MPPED2: variants seen among roughly 807,000 people sequenced by gnomAD.
MPPED2 encodes metallophosphoesterase MPPED2.
MPPED2 carries 5 observed loss-of-function variants against 33.0 expected under a neutral mutation model. The observed-to-expected ratio is 0.15, with a 90% confidence interval of 0.08 to 0.32. MPPED2 has a LOEUF of 0.32. MPPED2 is among the 10% of genes least tolerant of loss of function. The pLI is 1.00. For missense variants in MPPED2, 275 were observed against 372.1 expected, an observed-to-expected ratio of 0.74 and a Z score of 2.15; for synonymous variants, 136 against 141.9, an observed-to-expected ratio of 0.96 and a Z score of 0.29.
intron 6 of MPPED2, among the ~76,000 whole-genome samples, chr11:30,391,639 C>T (rs932173554): frequency 6.6e-6 from 1 of 152,160 alleles, no homozygotes; most frequent in Non-Finnish European, 1.5e-5. Context: ...TCAATAAGAT[C>T]ATGTCATTTT....
At chr11:30,529,519 ATATT>A (rs772974374) in intron 3 of MPPED2, among the ~76,000 whole-genome samples, 4 of 143,220 alleles carry the variant, frequency 2.8e-5, no homozygotes, top group Non-Finnish European at 6.3e-5. Context: ...TTGGCAAAAG[ATATT>A]TGTGTGTGTG....
chr11:30,582,384 G>A (rs550181158), intron 1 of MPPED2, among the ~76,000 whole-genome samples: 1 of 152,308 alleles, frequency 6.6e-6, no homozygotes, highest in Non-Finnish European at 1.5e-5. Context: ...ATAAATTAGA[G>A]AGTGGTGTAA....
intron 3 of MPPED2, among the ~76,000 whole-genome samples, chr11:30,505,831 C>T (rs931286375): frequency 9.9e-5 from 15 of 151,292 alleles, no homozygotes; most frequent in Middle Eastern, 3.4e-3. Flanking sequence ...AGACAGATTT[C>T]GGATCAAGTT....
intron 2 of MPPED2, among the ~76,000 whole-genome samples, chr11:30,562,443 G>A (rs548929424): frequency 6.6e-5 from 10 of 152,222 alleles, no homozygotes; most frequent in South Asian, 2.1e-4. Context: ...TGCCTCCTAC[G>A]GGAAGCCTAC....
chr11:30,531,100 A>G (rs1318459405), intron 3 of MPPED2, among the ~76,000 whole-genome samples: 3 of 152,328 alleles, frequency 2.0e-5, no homozygotes, highest in East Asian at 3.9e-4. Flanking sequence ...TCAACTCACC[A>G]AAGCCTATTC....
chr11:30,486,885 G>C (rs1951767408), intron 4 of MPPED2, among the ~76,000 whole-genome samples: 1 of 152,164 alleles, frequency 6.6e-6, no homozygotes, highest in Admixed American at 6.5e-5. Context: ...GTATGTCCAT[G>C]ACTGTGCCTG....
chr11:30,534,360 G>C (rs1954695325), intron 3 of MPPED2, among the ~76,000 whole-genome samples: 1 of 152,216 alleles, frequency 6.6e-6, no homozygotes, highest in East Asian at 1.9e-4. Context: ...CTAAAATAAA[G>C]AGATTATTGT....
intron 6 of MPPED2, among the ~76,000 whole-genome samples, chr11:30,390,594 A>T (rs899294843): frequency 1.3e-5 from 2 of 152,232 alleles, no homozygotes; most frequent in Admixed American, 1.3e-4. Flanking sequence ...GTGCACCCTT[A>T]TGCTGCTCTG....
At chr11:30,424,945 G>A (rs1948765778) in intron 4 of MPPED2, among the ~76,000 whole-genome samples, 2 of 152,188 alleles carry the variant, frequency 1.3e-5, no homozygotes, top group South Asian at 2.1e-4. Flanking sequence ...TGGGAAGCCT[G>A]GCTAGCCCAA....
intron 4 of MPPED2, among the ~76,000 whole-genome samples, chr11:30,489,328 A>G (rs889685107): frequency 1.3e-5 from 2 of 152,284 alleles, no homozygotes; most frequent in Non-Finnish European, 2.9e-5. Flanking sequence ...TGCACTGATC[A>G]GAACAAGGGA....
At chr11:30,520,414 T>C (rs1460903142) in intron 3 of MPPED2, among the ~76,000 whole-genome samples, 4 of 152,124 alleles carry the variant, frequency 2.6e-5, no homozygotes, top group African/African-American at 9.7e-5. Context: ...AATTAAGTCA[T>C]TTTTTCCCTA....
intron 3 of MPPED2, among the ~76,000 whole-genome samples, chr11:30,517,496 G>A (rs1953598360): frequency 6.6e-6 from 1 of 152,090 alleles, no homozygotes. Flanking sequence ...CAAATGAATG[G>A]ACAGAACACT....
intron 4 of MPPED2, among the ~76,000 whole-genome samples, chr11:30,446,628 T>C (rs1028181306): frequency 2.0e-5 from 3 of 152,192 alleles, no homozygotes; most frequent in Non-Finnish European, 2.9e-5. Context: ...CTACAGAGCC[T>C]GCTCAGTAAA....
rs145387958 is a variant in MPPED2, at chr11:30,424,406, C to T, written c.537-6773G>A. Among the ~76,000 whole-genome samples, 135 of 152,244 alleles carry T rather than the reference C, an allele frequency of 8.9e-4. 1 individual carries two copies. The East Asian group carries it at 0.02, about 23-fold the overall frequency. On this transcript the variant is annotated intron_variant, in intron 4 of 6. Transcript: ENST00000358117. ...CTTCTTCACGCCTGGCACTCCCAGC[C>T]GCCATCGGCCCCTCTCCGACTGCAC...
At chr11:30,480,382 T>C (rs190282067) in intron 4 of MPPED2, among the ~76,000 whole-genome samples, 196 of 152,210 alleles carry the variant, frequency 1.3e-3, no homozygotes, top group Middle Eastern at 3.4e-3. Context: ...GCAGTGTGCT[T>C]ACCTTCCAAT....
chr11:30,562,731 C>T (rs1956287160), intron 2 of MPPED2, among the ~76,000 whole-genome samples: 1 of 152,134 alleles, frequency 6.6e-6, no homozygotes, highest in African/African-American at 2.4e-5. Context: ...GCACATCACT[C>T]AACCTCTCTG....
intron 6 of MPPED2, among the ~76,000 whole-genome samples, chr11:30,398,690 C>A (rs1285048869): frequency 6.6e-6 from 1 of 152,062 alleles, no homozygotes; most frequent in Non-Finnish European, 1.5e-5. Flanking sequence ...TAGTTCCTTG[C>A]AATCAAACAT....
chr11:30,558,523 C>T (rs1247072892), intron 2 of MPPED2, among the ~76,000 whole-genome samples: 1 of 151,858 alleles, frequency 6.6e-6, no homozygotes, highest in African/African-American at 2.4e-5. Context: ...TCAAGCAATC[C>T]TCCCACCTCA....
intron 6 of MPPED2, among the ~76,000 whole-genome samples, chr11:30,397,775 G>A (rs1947856722): frequency 6.6e-6 from 1 of 152,122 alleles, no homozygotes; most frequent in Non-Finnish European, 1.5e-5. Flanking sequence ...ACTAGCTAGT[G>A]GGGAGTAGAG....
Sources: gnomAD v4.1 joint callset for allele counts (sites outside exome capture counted in the v4.1 genomes callset) on GRCh38, gnomAD v4.1.1 for gene constraint, MANE v1.5 for transcripts, NCBI Gene and HGNC (gene_info 2026-07-23, HGNC 2026-07-21) for gene names.